SMARCA2: variants seen among roughly 807,000 people sequenced by gnomAD.
SMARCA2 encodes the protein SWI/SNF-related matrix-associated actin-dependent regulator of chromatin subfamily A member 2.
SMARCA2 carries 61 observed loss-of-function variants against 199.8 expected under a neutral mutation model. That is an observed-to-expected ratio of 0.31 (90% CI 0.25 to 0.38). The LOEUF (loss-of-function observed/expected upper bound fraction) is 0.38, where lower values mean the gene tolerates loss of function less well. Among genes scored for constraint, SMARCA2 ranks in the 10% least tolerant of loss-of-function variants. The pLI is 1.00. For synonymous variants in SMARCA2, 935 were observed against 732.0 expected, an observed-to-expected ratio of 1.28 and a Z score of -4.48; for missense variants, 1,344 against 2,012.2, an observed-to-expected ratio of 0.67 and a Z score of 6.35.
Position 2,083,410 on chromosome 9 carries a change from C to T in SMARCA2, c.2412C>T (p.Tyr804=). 6.2e-7 allele frequency: 1 copy of T among 1,601,144 alleles called. No individual in the cohort carries two copies. The highest frequency in any genetic ancestry group is 2.2e-5 in the East Asian group (1 of 44,576). ...CTCCTTCTGTGGTGAAGATTTCTTA[C>T]AAGGTTTGGAATGCTGTATTTATAT... ...KWAPSVVKIS[Y]KGTPAMRRSL... is the part of the protein sequence containing the mutation. The change falls in exon 16 of 34, where the codon TAC becomes TAT. Residue 804 remains tyrosine, a synonymous_variant. Transcript: ENST00000349721.
At chr9:2,052,227 A>T (rs1427090533) in intron 5 of SMARCA2, among the ~76,000 whole-genome samples, 3 of 152,394 alleles carry the variant, frequency 2.0e-5, no homozygotes, top group African/African-American at 4.8e-5. Context: ...TAATCCCAGC[A>T]CTTCGGGAGG....
intron 29 of SMARCA2, among the ~76,000 whole-genome samples, chr9:2,171,525 TTTC>T (rs1554641338): frequency 6.6e-6 from 1 of 152,234 alleles, no homozygotes; most frequent in Non-Finnish European, 1.5e-5. Context: ...ATTTTTGATA[TTTC>T]TTATTGCAGT....
chr9:2,173,190 A>G lies in SMARCA2; in HGVS notation c.4253+2718A>G, dbSNP rs138557041. Among the ~76,000 whole-genome samples the G allele has an allele frequency of 5.5e-3, 831 of 152,212 alleles. 3 individuals are homozygous for G. The highest frequency in any genetic ancestry group is 8.7e-3 in the Non-Finnish European group (589 of 67,996). On this transcript the variant is annotated intron_variant, in intron 29 of 33. Transcript: ENST00000349721. The stretch of plus-strand genomic sequence containing the variant: ...GGTGTGTGTGAAGGCACTTGTATGT[A>G]TGTGTGTGTGCACATGTGCATGTAT...
At position 2,083,950 on chromosome 9, in the gene SMARCA2, AATAG is replaced by A. The variant is rs1248886018; in HGVS notation, c.2416-133_2416-130del. On this transcript the variant is annotated intron_variant, in intron 16 of 33. Transcript: ENST00000349721. Reference sequence around the variant, plus strand: ...ATTTAGCCAAAACTTCCTCGTGTATAATAGATCAGTCTATGAGAATGTGTGTCTG... The same window carrying A: ...ATTTAGCCAAAACTTCCTCGTGTATAATCAGTCTATGAGAATGTGTGTCTG... The A allele has an allele frequency of 5.2e-6, 3 of 576,602 alleles. No individual in the cohort carries two copies. In the African/African-American group the frequency reaches 5.6e-5, roughly 11 times the overall value. The allele number at this position is 576,602 out of a possible 1,614,324, so 35.7% of individuals were successfully genotyped here.
chr9:2,172,421 G>C (rs1218313169), intron 29 of SMARCA2, among the ~76,000 whole-genome samples: 1 of 151,494 alleles, frequency 6.6e-6, no homozygotes, highest in African/African-American at 2.4e-5. Context: ...AAACAGACGG[G>C]TGAAGGGAGG....
At chr9:2,189,304 C>G (rs1338118205) in intron 32 of SMARCA2, among the ~76,000 whole-genome samples, 2 of 152,136 alleles carry the variant, frequency 1.3e-5, no homozygotes, top group Non-Finnish European at 2.9e-5. Context: ...GTTTATTAGC[C>G]TGCTTGTCCA....
At chr9:2,098,328 A>C (rs1367090169) in intron 21 of SMARCA2, among the ~76,000 whole-genome samples, 2 of 152,240 alleles carry the variant, frequency 1.3e-5, no homozygotes, top group African/African-American at 4.8e-5. Context: ...GTTAAAACTT[A>C]ATCACAGTAT....
At chr9:2,024,829 C>T (rs1206906065) in intron 1 of SMARCA2, among the ~76,000 whole-genome samples, 1 of 152,166 alleles carries the variant, frequency 6.6e-6, no homozygotes, top group Non-Finnish European at 1.5e-5. Flanking sequence ...CATGTTTTCC[C>T]CTTCTGCCTT....
Position 2,169,992 on chromosome 9 carries a change from C to G in SMARCA2, c.4200-427C>G, listed in dbSNP as rs1405895809. ...AGGCTACTGTAAGAAAGCACTTTATCCTATTTAATTTTTATAACTTTCTGA... is the reference window on the plus strand; with the variant it reads ...AGGCTACTGTAAGAAAGCACTTTATGCTATTTAATTTTTATAACTTTCTGA... On this transcript the variant is annotated intron_variant, in intron 28 of 33. Coordinates refer to ENST00000349721, the MANE Select transcript of SMARCA2 (RefSeq NM_003070.5). The surrounding 1 kb of genome is among the most constrained non-coding windows in gnomAD (Gnocchi z 6.5). Among the ~76,000 whole-genome samples, 1 of 152,068 alleles carries G rather than the reference C, an allele frequency of 6.6e-6. No homozygotes were observed. Among genetic ancestry groups the G allele is most frequent in the Non-Finnish European group, 1.5e-5 (1 of 68,010 alleles).
At chr9:2,167,489 G>A (rs1275011770) in intron 28 of SMARCA2, among the ~76,000 whole-genome samples, 1 of 152,226 alleles carries the variant, frequency 6.6e-6, no homozygotes, top group Admixed American at 6.5e-5. Flanking sequence ...GCAAAGTGAT[G>A]GAGGAGGCAG....
chr9:2,132,098 A>G (rs1823987656), intron 27 of SMARCA2, among the ~76,000 whole-genome samples: 2 of 152,252 alleles, frequency 1.3e-5, no homozygotes, highest in South Asian at 2.1e-4. Flanking sequence ...ACAGGAAGCC[A>G]AACTGCTAAA....
intron 1 of SMARCA2, among the ~76,000 whole-genome samples, chr9:2,026,086 A>G (rs1444449342): frequency 6.6e-6 from 1 of 152,160 alleles, no homozygotes; most frequent in Non-Finnish European, 1.5e-5. Context: ...GACGAAAGGC[A>G]CTTTTCCCAG....
chr9:2,099,176 G>T (rs1461286897), intron 21 of SMARCA2, among the ~76,000 whole-genome samples: 1 of 152,118 alleles, frequency 6.6e-6, no homozygotes, highest in Non-Finnish European at 1.5e-5. Context: ...CTTGTAAACT[G>T]ATGATGTGTT....
At chr9:2,031,111 T>G (rs1314813434) in intron 2 of SMARCA2, among the ~76,000 whole-genome samples, 1 of 152,228 alleles carries the variant, frequency 6.6e-6, no homozygotes, top group Non-Finnish European at 1.5e-5. Flanking sequence ...TACTTTTCTT[T>G]TGCTATTATA....
chr9:2,038,530 T>G (rs1237070342), intron 3 of SMARCA2, among the ~76,000 whole-genome samples: 1 of 152,194 alleles, frequency 6.6e-6, no homozygotes, highest in African/African-American at 2.4e-5. Flanking sequence ...GACTGCTGAT[T>G]GCAGGAGTAT....
chr9:2,083,761 G>A (rs1055129336), intron 16 of SMARCA2, among the ~76,000 whole-genome samples: 6 of 152,204 alleles, frequency 3.9e-5, no homozygotes, highest in African/African-American at 1.2e-4. Flanking sequence ...CCGGATGCCC[G>A]GGGCTGCCTG....
Position 2,156,415 on chromosome 9 carries a change from T to C in SMARCA2, c.3982-5271T>C, listed in dbSNP as rs948457445. Among the ~76,000 whole-genome samples the C allele has an allele frequency of 1.8e-3, 8 of 4,532 alleles. No homozygotes were observed. In the South Asian group the frequency reaches 0.069, roughly 39 times the overall value. The allele number at this position is 4,532 out of a possible 152,430, so 3.0% of individuals were successfully genotyped here. On this transcript the variant is annotated intron_variant, in intron 27 of 33. Coordinates refer to ENST00000349721, the MANE Select transcript of SMARCA2 (RefSeq NM_003070.5). Reference sequence around the variant, plus strand: ...TACCATAAAGTTTACCATTTTAGACTTTTTTTTTTTTTTTTTTTTTTTTTT... The same window carrying C: ...TACCATAAAGTTTACCATTTTAGACCTTTTTTTTTTTTTTTTTTTTTTTTT...
intron 27 of SMARCA2, among the ~76,000 whole-genome samples, chr9:2,130,689 A>T (rs1238959755): frequency 6.6e-6 from 1 of 152,192 alleles, no homozygotes; most frequent in East Asian, 1.9e-4. Context: ...ATGCGCAATT[A>T]TACATATACA....
chr9:2,042,133 T>TA (rs1181449729), intron 4 of SMARCA2: 11 of 152,222 alleles, frequency 7.2e-5, no homozygotes, highest in African/African-American at 2.7e-4. Flanking sequence ...CTGCACACCT[T>TA]ACTTAGATCC....
Sources: gnomAD v4.1 joint callset for allele counts (sites outside exome capture counted in the v4.1 genomes callset) on GRCh38, gnomAD v4.1.1 for gene constraint, Gnocchi (gnomAD v3.1) non-coding constraint, MANE v1.5 for transcripts, NCBI Gene and HGNC (gene_info 2026-07-23, HGNC 2026-07-21) for gene names.